The following KRT76 variants were observed in gnomAD, a reference collection of about 807,000 sequenced individuals.
KRT76 encodes keratin, type II cytoskeletal 2 oral.
In KRT76, 47 loss-of-function variants were observed where a neutral mutation model predicts 44.9. That is an observed-to-expected ratio of 1.05 (90% CI 0.83 to 1.33). The LOEUF (loss-of-function observed/expected upper bound fraction) is 1.33. Among genes scored for constraint, KRT76 ranks in the 40% most tolerant of loss-of-function variants. The probability of loss-of-function intolerance (pLI) is 0.00; values close to 1 mark genes in which losing one functional copy is unlikely to be tolerated. For missense variants in KRT76, 860 were observed against 775.8 expected, an observed-to-expected ratio of 1.11 and a Z score of -1.29; for synonymous variants, 331 against 294.1, an observed-to-expected ratio of 1.13 and a Z score of -1.28.
intron 1 of KRT76, 120 bp downstream of exon 1, chr12:52,776,572 C>G: frequency 6.6e-7 from 1 of 1,525,390 alleles, no homozygotes; most frequent in Non-Finnish European, 9.0e-7. Flanking sequence ...GGGACCAAGA[C>G]AGCACCAGGA....
chr12:52,775,564 G>T lies in KRT76; in HGVS notation c.639C>A (p.Thr213=). Residue 213 remains threonine (T), a synonymous_variant, in exon 2 of 9, where the codon ACC becomes ACA. Coordinates refer to ENST00000332411, the MANE Select transcript of KRT76 (RefSeq NM_015848.4). ...FLEQQNKVLE[T]KWELLQQQTT... is the part of the protein sequence containing the mutation. ...TCTGCTGCTGGAGCAGTTCCCACTT[G>T]GTCTCCAGGACCTTGTTCTGCTGTT... 1 of 1,613,918 alleles carries T rather than the reference G, an allele frequency of 6.2e-7. No homozygotes were observed. Among genetic ancestry groups the T allele is most frequent in the South Asian group, 1.1e-5 (1 of 91,058 alleles).
Position 52,768,407 on chromosome 12 carries a change from G to A in KRT76, c.*306C>T, listed in dbSNP as rs7966512. 1.5e-3 allele frequency: 480 copies of A among 311,992 alleles called. 5 individuals carry two copies. The highest frequency in any genetic ancestry group is 9.3e-3 in the African/African-American group (447 of 48,002). The allele number at this position is 311,992 out of a possible 1,614,324, so 19.3% of individuals were successfully genotyped here. On this transcript the variant is annotated 3_prime_UTR_variant, in exon 9 of 9. Coordinates refer to ENST00000332411, the MANE Select transcript of KRT76 (RefSeq NM_015848.4). The stretch of plus-strand genomic sequence containing the variant: ...CAACTCCCAGTAAGAAAGGGAGATG[G>A]GCCAGAGTGGGAACAGGCCAGGCTG...
chr12:52,773,894 C>A (rs1016156131), intron 2 of KRT76, among the ~76,000 whole-genome samples: 4 of 150,540 alleles, frequency 2.7e-5, no homozygotes, highest in African/African-American at 9.8e-5. Flanking sequence ...TGCAGTGGCA[C>A]AAACATGGCT....
chr12:52,777,235 G>A lies in KRT76; in HGVS notation c.57C>T (p.Gly19=), dbSNP rs199501601. Residue 19 remains glycine (G), a synonymous_variant, in exon 1 of 9, where the codon GGC becomes GGT. Coordinates refer to ENST00000332411, the MANE Select transcript of KRT76 (RefSeq NM_015848.4). The part of the protein sequence containing the change: ...SFSGRSQGFS[G]RSAVVSGSSR... ...TGCTGCCGGAGACCACAGCAGAGCG[G>A]CCAGAGAAACCCTGGCTCCTGCCAC... The A allele has an allele frequency of 5.0e-6, 8 of 1,614,220 alleles. No homozygotes were observed. The East Asian group carries it at 1.3e-4, about 27-fold the overall frequency.
At position 52,768,878 on chromosome 12, in the gene KRT76, C is replaced by A. The variant is rs199954226; in HGVS notation, c.1752G>T (p.Arg584Ser). 8.9e-5 allele frequency: 143 copies of A among 1,613,482 alleles called. No homozygotes were observed. Among genetic ancestry groups the A allele is most frequent in the Non-Finnish European group, 1.2e-4 (136 of 1,179,732 alleles). ...CGGAGATGCTACCTGCACCGCCGAG[C>A]CTGCTCCCACTACTGCTGCTCTGGT... Reference protein sequence around the residue: ...GSYQSSSSGSRLGGAGSISVS... With the variant: ...GSYQSSSSGSSLGGAGSISVS... The change falls in exon 9 of 9, where the codon AGG becomes AGT. Residue 584 changes from arginine to serine, a missense_variant. By Grantham distance (110) the Arg-to-Ser change is moderately radical. Transcript: ENST00000332411.
At chr12:52,770,154 G>A (rs957735207) in intron 7 of KRT76, among the ~76,000 whole-genome samples, 1 of 152,168 alleles carries the variant, frequency 6.6e-6, no homozygotes, top group Non-Finnish European at 1.5e-5. Flanking sequence ...GAGAAGATAT[G>A]GATTGGGTCT....
chr12:52,774,798 G>A (rs985190532), intron 2 of KRT76, among the ~76,000 whole-genome samples: 6 of 152,136 alleles, frequency 3.9e-5, no homozygotes, highest in Non-Finnish European at 7.3e-5. Context: ...TGGGGAAGTC[G>A]GGAGCTCCCT....
chr12:52,775,951 A>T (rs992898383), intron 1 of KRT76, among the ~76,000 whole-genome samples: 5 of 151,376 alleles, frequency 3.3e-5, no homozygotes, highest in Non-Finnish European at 5.9e-5. Context: ...CAAACCCAGG[A>T]CTGTCCTGGG....
chr12:52,771,138 C>T lies in KRT76; in HGVS notation c.1345G>A (p.Asp449Asn). The T allele has an allele frequency of 6.2e-7, 1 of 1,614,190 alleles. No individual in the cohort carries two copies. Among genetic ancestry groups the T allele is most frequent in the Non-Finnish European group, 8.5e-7 (1 of 1,180,042 alleles). ...GCCTTCTGTAGGGCAGTCTGCAAGTCTTGGAGCTTGGCATTGGCGTCCTTG... is the reference window on the plus strand; with the variant it reads ...GCCTTCTGTAGGGCAGTCTGCAAGTTTTGGAGCTTGGCATTGGCGTCCTTG... ...ALKDANAKLQ[D>N]LQTALQKAKD... is the part of the protein sequence containing the mutation. Residue 449 changes from aspartate (D) to asparagine (N), a missense_variant, in exon 7 of 9, where the codon GAC (aspartate) becomes AAC (asparagine). Physicochemically the swap from Asp to Asn is conservative, Grantham distance 23. Coordinates refer to ENST00000332411, the MANE Select transcript of KRT76 (RefSeq NM_015848.4).
At position 52,777,282 on chromosome 12, in the gene KRT76, G is replaced by C; in HGVS notation, c.10C>G (p.Gln4Glu). 6.2e-7 allele frequency: 1 copy of C among 1,614,146 alleles called. No homozygotes were observed. Among genetic ancestry groups the C allele is most frequent in the Non-Finnish European group, 8.5e-7 (1 of 1,180,038 alleles). MNR[Q>E]VCKKSFSGRS... ...CCACTGAAGGATTTCTTGCAAACTT[G>C]TCTGTTCATAGTGAGAGAGCTTGGA... Residue 4 changes from glutamine (Q) to glutamate (E), a missense_variant, in exon 1 of 9, where the codon CAA becomes GAA. Gln to Glu is a conservative substitution (Grantham distance 29). Coordinates refer to ENST00000332411, the MANE Select transcript of KRT76 (RefSeq NM_015848.4).
Position 52,773,769 on chromosome 12 carries a change from C to T in KRT76, c.816-127G>A, listed in dbSNP as rs996464339. ...AGCTTCATGGGCACGTGCAGTTACACAGGACCCTGGGCTCAGGGTCCTCAC... is the reference window on the plus strand; with the variant it reads ...AGCTTCATGGGCACGTGCAGTTACATAGGACCCTGGGCTCAGGGTCCTCAC... On this transcript the variant is annotated intron_variant, in intron 2 of 8. Coordinates refer to ENST00000332411, the MANE Select transcript of KRT76 (RefSeq NM_015848.4). 1.1e-5 allele frequency: 7 copies of T among 615,964 alleles called. No homozygotes were observed. The African/African-American group carries it at 1.3e-4, about 11-fold the overall frequency. The allele number at this position is 615,964 out of a possible 1,614,324, so 38.2% of individuals were successfully genotyped here. A position where few individuals can be genotyped will look rare whatever the true frequency, so the allele number is the denominator to read the frequency against.
In KRT76 at chr12:52,777,124, G is replaced by A; in HGVS notation, c.168C>T (p.Arg56=). 6.2e-7 allele frequency: 1 copy of A among 1,614,206 alleles called. No homozygotes were observed. Among genetic ancestry groups the A allele is most frequent in the South Asian group, 1.1e-5 (1 of 91,084 alleles). ...TGTTGCTGCCCAGGTTGTAGAGGCT[G>A]CGACTGCCAAAGCTGCCTGCTCCGC... is the stretch of plus-strand genomic sequence containing the variant. ...FRSGAGSFGS[R]SLYNLGSNKS... Residue 56 remains arginine (R), a synonymous_variant, in exon 1 of 9, where the codon CGC becomes CGT. Transcript: ENST00000332411.
In KRT76 at chr12:52,768,405, T is replaced by C. The variant is rs1331523152; in HGVS notation, c.*308A>G. 6 of 301,914 alleles carry C rather than the reference T, an allele frequency of 2.0e-5. No homozygotes were observed. Among genetic ancestry groups the C allele is most frequent in the Non-Finnish European group, 3.7e-5 (6 of 161,368 alleles). 18.7% of individuals were successfully genotyped at this position (301,914 alleles called of 1,614,324 possible). A position where few individuals can be genotyped will look rare whatever the true frequency, so the allele number is the denominator to read the frequency against. ...TCCAACTCCCAGTAAGAAAGGGAGA[T>C]GGGCCAGAGTGGGAACAGGCCAGGC... On this transcript the variant is annotated 3_prime_UTR_variant, in exon 9 of 9. Coordinates refer to ENST00000332411, the MANE Select transcript of KRT76 (RefSeq NM_015848.4).
In KRT76 at chr12:52,776,736, G is replaced by A. The variant is rs775959284; in HGVS notation, c.556C>T (p.Gln186Ter). ...IGQVKAQERE[Q>*]IKTLNNKFAS... is the part of the protein sequence containing the mutation. ...AACTTGTTGTTGAGGGTCTTGATCT[G>A]TTCCCGCTCCTGGGCCTTTACTTGC... The change falls in exon 1 of 9, where the codon CAG becomes TAG. Residue 186 changes from glutamine to a stop codon, truncating the protein, a stop_gained. Transcript: ENST00000332411. LOFTEE classifies it high-confidence loss of function. 2 of 1,614,050 alleles carry A rather than the reference G, an allele frequency of 1.2e-6. No homozygotes were observed. The highest frequency in any genetic ancestry group is 2.7e-5 in the African/African-American group (2 of 74,914).
Position 52,771,978 on chromosome 12 carries a change from T to C in KRT76, c.1156A>G (p.Thr386Ala), listed in dbSNP as rs1939189668. The C allele has an allele frequency of 6.2e-7, 1 of 1,614,084 alleles. No individual in the cohort carries two copies. The highest frequency in any genetic ancestry group is 1.3e-5 in the African/African-American group (1 of 75,052). ...YQTKLGELQT[T>A]AGRHGDDLRN... The stretch of plus-strand genomic sequence containing the variant: ...AGGTCATCCCCATGCCTGCCAGCTG[T>C]GGTCTGCAGCTCCCCAAGCTGACAG... The change falls in exon 6 of 9, where the codon ACA becomes GCA. Residue 386 changes from threonine to alanine, a missense_variant. Coordinates refer to ENST00000332411, the MANE Select transcript of KRT76 (RefSeq NM_015848.4).
chr12:52,776,542 G>T, intron 1 of KRT76, 150 bp downstream of exon 1: 1 of 1,234,530 alleles, frequency 8.1e-7, no homozygotes, highest in African/African-American at 1.5e-5. Flanking sequence ...AAGTGAAAGG[G>T]GCATGATCAC....
In KRT76 at chr12:52,768,841, C is replaced by G; in HGVS notation, c.1789G>C (p.Gly597Arg). 1 of 1,613,954 alleles carries G rather than the reference C, an allele frequency of 6.2e-7. No homozygotes were observed. Among genetic ancestry groups the G allele is most frequent in the Non-Finnish European group, 8.5e-7 (1 of 1,179,944 alleles). Residue 597 changes from glycine to arginine, a missense_variant, in exon 9 of 9, where the codon GGA becomes CGA. Physicochemically the swap from Gly to Arg is moderately radical, Grantham distance 125. Coordinates refer to ENST00000332411, the MANE Select transcript of KRT76 (RefSeq NM_015848.4). Reference protein sequence around the residue: ...GAGSISVSHSGMGSSSGSIQT... With the variant: ...GAGSISVSHSRMGSSSGSIQT... Reference sequence around the variant, plus strand: ...ATGCTGCCAGAGCTGGAGCCCATTCCACTGTGGCTCACGGAGATGCTACCT... The same window carrying G: ...ATGCTGCCAGAGCTGGAGCCCATTCGACTGTGGCTCACGGAGATGCTACCT...
At chr12:52,775,363 G>A (rs773291227) in intron 2 of KRT76, 25 bp downstream of exon 2, 3 of 1,610,190 alleles carry the variant, frequency 1.9e-6, no homozygotes, top group Admixed American at 3.3e-5. Context: ...CCCAGAAGGG[G>A]AAACTTCCCA....
chr12:52,771,182 T>C lies in KRT76; in HGVS notation c.1301A>G (p.Gln434Arg). ...GTCCTTGAGGGCCATCTCTCCACGC[T>C]GCTCAGCCTCTGCAATTGCCGTCTG... is the stretch of plus-strand genomic sequence containing the variant. ...NLQTAIAEAE[Q>R]RGEMALKDAN... The change falls in exon 7 of 9, where the codon CAG becomes CGG. Residue 434 changes from glutamine (Q) to arginine (R), a missense_variant. Physicochemically the swap from Gln to Arg is conservative, Grantham distance 43. Coordinates refer to ENST00000332411, the MANE Select transcript of KRT76 (RefSeq NM_015848.4). 6.2e-7 allele frequency: 1 copy of C among 1,614,214 alleles called. No homozygotes were observed. Among genetic ancestry groups the C allele is most frequent in the Non-Finnish European group, 8.5e-7 (1 of 1,180,036 alleles).
Sources: gnomAD v4.1 joint callset for allele counts (sites outside exome capture counted in the v4.1 genomes callset) on GRCh38, gnomAD v4.1.1 for gene constraint, MANE v1.5 for transcripts, NCBI Gene and HGNC (gene_info 2026-07-23, HGNC 2026-07-21) for gene names.